CTNNBL1: variants seen among roughly 807,000 people sequenced by gnomAD.
CTNNBL1 encodes the protein catenin beta like 1.
A neutral mutation model predicts 72.7 loss-of-function variants in CTNNBL1; 31 were observed. The ratio of observed to expected loss-of-function variants is 0.43; its 90% confidence interval spans 0.32 to 0.58. The LOEUF (loss-of-function observed/expected upper bound fraction) is 0.58. CTNNBL1 is among the 20% of genes least tolerant of loss of function. The probability of loss-of-function intolerance (pLI) is 0.08; values close to 1 mark genes in which losing one functional copy is unlikely to be tolerated. For synonymous variants in CTNNBL1, 240 were observed against 267.3 expected (o/e 0.90, Z 1.00); for missense variants, 534 against 725.1 (o/e 0.74, Z 3.03).
intron 15 of CTNNBL1, among the ~76,000 whole-genome samples, chr20:37,865,647 C>T (rs771999711): frequency 7.9e-5 from 12 of 152,110 alleles, no homozygotes; most frequent in East Asian, 1.9e-4. Flanking sequence ...AGCTGTGACC[C>T]GAGAATGCTT....
At chr20:37,810,682 A>C (rs927036091) in intron 11 of CTNNBL1, among the ~76,000 whole-genome samples, 5 of 152,220 alleles carry the variant, frequency 3.3e-5, no homozygotes, top group African/African-American at 1.2e-4. Context: ...ATGAGATAAC[A>C]TTTGAGTACT....
chr20:37,794,257 G>A (rs2073750657), intron 10 of CTNNBL1, among the ~76,000 whole-genome samples: 4 of 151,864 alleles, frequency 2.6e-5, no homozygotes, highest in Admixed American at 2.0e-4. Context: ...GGTAATGCTG[G>A]TCTACTGGTG....
intron 12 of CTNNBL1, 125 bp from the exon 13 acceptor site, chr20:37,842,214 G>C (rs1041784119): frequency 1.4e-5 from 10 of 696,792 alleles, no homozygotes; most frequent in African/African-American, 1.0e-4. Flanking sequence ...CTCATCCGCT[G>C]TAAGGAGTGC....
chr20:37,845,629 C>T (rs956534094), intron 13 of CTNNBL1, among the ~76,000 whole-genome samples: 2 of 152,214 alleles, frequency 1.3e-5, no homozygotes, highest in Admixed American at 1.3e-4. Context: ...AGCCGCCTCA[C>T]AGGTGTAAAG....
At chr20:37,738,384 G>A (rs933071156) in intron 3 of CTNNBL1, among the ~76,000 whole-genome samples, 10 of 152,240 alleles carry the variant, frequency 6.6e-5, no homozygotes, top group African/African-American at 9.6e-5. Context: ...GATAGTTAAC[G>A]TGAGTTTTAC....
At position 37,732,887 on chromosome 20, in the gene CTNNBL1, G is replaced by T; in HGVS notation, c.39G>T (p.Arg13Ser). The T allele has an allele frequency of 6.2e-7, 1 of 1,613,372 alleles. No homozygotes were observed. The highest frequency in any genetic ancestry group is 8.5e-7 in the Non-Finnish European group (1 of 1,179,904). The change falls in exon 2 of 16, where the codon AGG (arginine) becomes AGT (serine). Residue 13 changes from arginine (R) to serine (S), a missense_variant. By Grantham distance (110) the Arg-to-Ser change is moderately radical (BLOSUM62 -1). Transcript: ENST00000361383. Reference sequence around the variant, plus strand: ...TGTTTCTTTTCTCTCAGCCCAATAGGGGCACAAAACGTCCCCGGGATGATG... The same window carrying T: ...TGTTTCTTTTCTCTCAGCCCAATAGTGGCACAAAACGTCCCCGGGATGATG... Reference protein sequence around the residue: ...VGELLSYQPNRGTKRPRDDEE... With the variant: ...VGELLSYQPNSGTKRPRDDEE...
chr20:37,812,794 A>G (rs2122755492), intron 11 of CTNNBL1, among the ~76,000 whole-genome samples: 1 of 152,326 alleles, frequency 6.6e-6, no homozygotes, highest in South Asian at 2.1e-4. Flanking sequence ...CTGACAGCTC[A>G]GCTAGGGAGA....
At chr20:37,823,242 GTTTCATT>G (rs753762344) in intron 11 of CTNNBL1, among the ~76,000 whole-genome samples, 3 of 152,226 alleles carry the variant, frequency 2.0e-5, no homozygotes, top group Non-Finnish European at 2.9e-5. Context: ...TTATAGGATG[GTTTCATT>G]TGTTAGTCTG....
At chr20:37,841,099 C>T (rs960394985) in intron 12 of CTNNBL1, among the ~76,000 whole-genome samples, 1 of 152,230 alleles carries the variant, frequency 6.6e-6, no homozygotes, top group Non-Finnish European at 1.5e-5. Flanking sequence ...TGACTTTCAT[C>T]GTTGCATATA....
At chr20:37,842,641 C>T (rs1436928178) in intron 13 of CTNNBL1, among the ~76,000 whole-genome samples, 2 of 152,180 alleles carry the variant, frequency 1.3e-5, no homozygotes, top group African/African-American at 4.8e-5. Context: ...CAGGTCTGAC[C>T]TGGGAGTCTG....
chr20:37,814,850 G>C (rs2072041047), intron 11 of CTNNBL1, among the ~76,000 whole-genome samples: 1 of 152,122 alleles, frequency 6.6e-6, no homozygotes, highest in African/African-American at 2.4e-5. Flanking sequence ...CTTTCTCTCT[G>C]TGCCACTAGA....
intron 11 of CTNNBL1, among the ~76,000 whole-genome samples, chr20:37,824,110 G>A (rs1019648176): frequency 4.3e-4 from 65 of 152,202 alleles, no homozygotes; most frequent in Non-Finnish European, 2.2e-4. Flanking sequence ...AAAGTGATGC[G>A]CTGCAGGAAA....
chr20:37,697,630 C>G (rs1257740527), intron 1 of CTNNBL1, among the ~76,000 whole-genome samples: 1 of 152,202 alleles, frequency 6.6e-6, no homozygotes, highest in Admixed American at 6.5e-5. Context: ...ATTCAACCCA[C>G]TTGTTCATGG....
At position 37,721,609 on chromosome 20, in the gene CTNNBL1, A is replaced by G. The variant is rs151332550; in HGVS notation, c.31-11270A>G. Reference sequence around the variant, plus strand: ...AAGAAATAAAACATTGTAAATACAGATAAAGTCTCCTTTGCACTCTTCCCT... The same window carrying G: ...AAGAAATAAAACATTGTAAATACAGGTAAAGTCTCCTTTGCACTCTTCCCT... On this transcript the variant is annotated intron_variant, in intron 1 of 15. Transcript: ENST00000361383. 1.7e-3 allele frequency among the ~76,000 whole-genome samples: 262 copies of G among 152,358 alleles called. 3 individuals are homozygous for G. The highest frequency in any genetic ancestry group is 6.0e-3 in the African/African-American group (250 of 41,584).
chr20:37,758,000 CA>C (rs2073379930), intron 5 of CTNNBL1, among the ~76,000 whole-genome samples: 1 of 152,216 alleles, frequency 6.6e-6, no homozygotes, highest in Non-Finnish European at 1.5e-5. Flanking sequence ...CATGGTCACA[CA>C]GCCAGGATTT....
At chr20:37,791,995 A>G (rs754524226) in intron 10 of CTNNBL1, among the ~76,000 whole-genome samples, 9 of 152,098 alleles carry the variant, frequency 5.9e-5, no homozygotes, top group Non-Finnish European at 1.0e-4. Flanking sequence ...TTCAGTTTTG[A>G]TGGAGTATAA....
At chr20:37,749,457 G>C (rs778632824) in intron 4 of CTNNBL1, among the ~76,000 whole-genome samples, 1 of 152,020 alleles carries the variant, frequency 6.6e-6, no homozygotes, top group Non-Finnish European at 1.5e-5. Context: ...GTTAAGTTCT[G>C]GTCTTTAAAA....
rs577780556 is a variant in CTNNBL1, at chr20:37,808,699, T to C, written c.1213+5651T>C. ...TGCATTCTCCTTGGGTGATCTCATC[T>C]ACTCCTGCAGCTTTAACCTTCATCT... On this transcript the variant is annotated intron_variant, in intron 11 of 15. Coordinates refer to ENST00000361383, the MANE Select transcript of CTNNBL1 (RefSeq NM_030877.5). 9.1e-4 allele frequency among the ~76,000 whole-genome samples: 139 copies of C among 152,326 alleles called. 1 individual carries two copies. The highest frequency in any genetic ancestry group is 2.5e-3 in the South Asian group (12 of 4,826).
intron 13 of CTNNBL1, 22 bp from the exon 14 acceptor site, chr20:37,859,877 C>T: frequency 6.2e-7 from 1 of 1,612,468 alleles, no homozygotes; most frequent in Non-Finnish European, 8.5e-7. Flanking sequence ...GCTTTTATTC[C>T]TAAACGTTCA....
Sources: allele counts gnomAD v4.1 joint callset (sites outside exome capture counted in the v4.1 genomes callset), GRCh38; gene constraint gnomAD v4.1.1; transcripts MANE v1.5; gene names NCBI Gene and HGNC (gene_info 2026-07-23, HGNC 2026-07-21).